Variants in ZNF766 observed in about 807,000 individuals in gnomAD.
ZNF766 encodes zinc finger protein 766.
ZNF766 carries 13 observed loss-of-function variants against 13.2 expected under a neutral mutation model. The observed-to-expected ratio is 0.98, with a 90% CI of 0.64 to 1.56. ZNF766 has a LOEUF of 1.56. Ranked by LOEUF, ZNF766 falls within the 40% of genes most tolerant of loss-of-function variation. The pLI is 0.00. For synonymous variants in ZNF766, 178 were observed against 187.6 expected (o/e 0.95, Z 0.42); for missense variants, 521 against 552.2 (o/e 0.94, Z 0.57).
In ZNF766 at chr19:52,290,773, A is replaced by G; in HGVS notation, c.982A>G (p.Lys328Glu). Residue 328 changes from lysine (K) to glutamate (E), a missense_variant, in exon 4 of 4, where the codon AAA becomes GAA. Lys to Glu is a moderately conservative substitution (Grantham distance 56). Coordinates refer to ENST00000439461, the MANE Select transcript of ZNF766 (RefSeq NM_001010851.3). ...AATTCATACAGGAGAGAAACTTTAC[A>G]AATGTAATAAATGTGGCAAAGAATT... ...WRIHTGEKLY[K>E]CNKCGKEFSG... The G allele has an allele frequency of 1.9e-6, 3 of 1,613,938 alleles. No homozygotes were observed. Among genetic ancestry groups the G allele is most frequent in the Non-Finnish European group, 2.5e-6 (3 of 1,179,870 alleles).
intron 1 of ZNF766, among the ~76,000 whole-genome samples, chr19:52,280,380 A>T (rs988937461): frequency 6.6e-6 from 1 of 152,064 alleles, no homozygotes; most frequent in Admixed American, 6.6e-5. Context: ...TTTAAAAAAG[A>T]TGACAAATAT....
chr19:52,278,133 C>T lies in ZNF766; in HGVS notation c.19-3978C>T, dbSNP rs117479420. Among the ~76,000 whole-genome samples the T allele has an allele frequency of 1.6e-3, 246 of 152,052 alleles. 4 individuals carry two copies. The East Asian group carries it at 0.041, about 25-fold the overall frequency. On this transcript the variant is annotated intron_variant, in intron 1 of 3. Coordinates refer to ENST00000439461, the MANE Select transcript of ZNF766 (RefSeq NM_001010851.3). ...GACCACAAATGTGTACCACCACGCCCGGCAATTTTTTGAATTTTTGGTAGA... is the reference window on the plus strand; with the variant it reads ...GACCACAAATGTGTACCACCACGCCTGGCAATTTTTTGAATTTTTGGTAGA...
rs1256469659 is a variant in ZNF766 at position 52,292,105 on chromosome 19, C to G, written c.*907C>G. 1.4e-6 allele frequency: 1 copy of G among 700,596 alleles called. No individual in the cohort carries two copies. The highest frequency in any genetic ancestry group is 1.8e-5 in the African/African-American group (1 of 57,052). 43.4% of individuals were successfully genotyped at this position (700,596 alleles called of 1,614,324 possible). A position where few individuals can be genotyped will look rare whatever the true frequency, so the allele number is the denominator to read the frequency against. ...AGAAAAAAAAGGCTAGTTTTTATGA[C>G]TTCAACCTGAACTTTGAAATTTCTT... is the stretch of plus-strand genomic sequence containing the variant. On this transcript the variant is annotated 3_prime_UTR_variant, in exon 4 of 4. Coordinates refer to ENST00000439461, the MANE Select transcript of ZNF766 (RefSeq NM_001010851.3).
At chr19:52,289,795 T>C (rs1010494621) in intron 3 of ZNF766, among the ~76,000 whole-genome samples, 14 of 152,022 alleles carry the variant, frequency 9.2e-5, no homozygotes, top group African/African-American at 2.9e-4. Context: ...GGTCAGGAGA[T>C]CGAGACCATC....
chr19:52,275,037 A>G (rs1981132190), intron 1 of ZNF766, among the ~76,000 whole-genome samples: 1 of 152,152 alleles, frequency 6.6e-6, no homozygotes, highest in African/African-American at 2.4e-5. Flanking sequence ...AGGAAGACAA[A>G]AGAAACAAAG....
chr19:52,271,023 T>G (rs1260828055), intron 1 of ZNF766, among the ~76,000 whole-genome samples: 2 of 152,130 alleles, frequency 1.3e-5, no homozygotes, highest in Non-Finnish European at 2.9e-5. Flanking sequence ...AGACCTCAGG[T>G]GATCTGCCCA....
chr19:52,269,663 G>A (rs756074661), intron 1 of ZNF766, 32 bp downstream of exon 1: 21 of 1,611,676 alleles, frequency 1.3e-5, no homozygotes, highest in Non-Finnish European at 1.8e-5. Context: ...TTAAGTGTTC[G>A]CTTAGCGGTG....
At chr19:52,280,327 C>G (rs780560467) in intron 1 of ZNF766, among the ~76,000 whole-genome samples, 9 of 151,878 alleles carry the variant, frequency 5.9e-5, no homozygotes, top group Non-Finnish European at 1.2e-4. Context: ...TCACTGTACC[C>G]CAACCTGGAC....
chr19:52,280,175 G>C (rs1981426649), intron 1 of ZNF766, among the ~76,000 whole-genome samples: 1 of 152,042 alleles, frequency 6.6e-6, no homozygotes, highest in Non-Finnish European at 1.5e-5. Flanking sequence ...TTTTATTGTT[G>C]CAAAGATGCT....
Position 52,290,489 on chromosome 19 carries a change from A to G in ZNF766, c.698A>G (p.His233Arg), listed in dbSNP as rs371693145. ...AGGGACAAGTCAGGCCTCGCAGAAC[A>G]TTGGAGAATTCGTACAGGAGAGAAA... ...TVRDKSGLAE[H>R]WRIRTGEKPY... Residue 233 changes from histidine (H) to arginine (R), a missense_variant, in exon 4 of 4, where the codon CAT becomes CGT. Transcript: ENST00000439461. 28 of 1,613,940 alleles carry G rather than the reference A, an allele frequency of 1.7e-5. No individual in the cohort carries two copies. The highest frequency in any genetic ancestry group is 6.6e-5 in the South Asian group (6 of 91,092).
rs1005280482 is a variant in ZNF766, at chr19:52,291,272, A to C, written c.*74A>C. On this transcript the variant is annotated 3_prime_UTR_variant, in exon 4 of 4. Coordinates refer to ENST00000439461, the MANE Select transcript of ZNF766 (RefSeq NM_001010851.3). ...TCTATACTAGAAAGAAATCATTTAA[A>C]TGTACTATATGTGGCACAGGCTGTA... 15 of 1,392,958 alleles carry C rather than the reference A, an allele frequency of 1.1e-5. No homozygotes were observed. Among genetic ancestry groups the C allele is most frequent in the Non-Finnish European group, 1.5e-5 (15 of 1,027,848 alleles). 86.3% of individuals were successfully genotyped at this position (1,392,958 alleles called of 1,614,324 possible).
rs1203935833 is a variant in ZNF766, at chr19:52,295,180, CTTGT to C, written c.*3989_*3992del. 2.7e-5 allele frequency: 4 copies of C among 146,234 alleles called. No homozygotes were observed. Among genetic ancestry groups the C allele is most frequent in the Non-Finnish European group, 6.0e-5 (4 of 66,844 alleles). The allele number at this position is 146,234 out of a possible 1,614,324, so 9.1% of individuals were successfully genotyped here. ...CTGTACATTGCATCCAGATGCTATG[CTTGT>C]TTGTTTTTTTTTTTGAGACAGAGTC... is the stretch of plus-strand genomic sequence containing the variant. On this transcript the variant is annotated 3_prime_UTR_variant, in exon 4 of 4. Coordinates refer to ENST00000439461, the MANE Select transcript of ZNF766 (RefSeq NM_001010851.3).
chr19:52,276,961 G>A (rs192178820), intron 1 of ZNF766, among the ~76,000 whole-genome samples: 66 of 152,130 alleles, frequency 4.3e-4, no homozygotes, highest in African/African-American at 1.5e-3. Context: ...GGAGGGGAGC[G>A]GGTTCTGAAG....
chr19:52,278,776 C>A lies in ZNF766; in HGVS notation c.19-3335C>A, dbSNP rs184031010. 3.8e-4 allele frequency among the ~76,000 whole-genome samples: 58 copies of A among 152,266 alleles called. No homozygotes were observed. The East Asian group carries it at 0.01, about 27-fold the overall frequency. On this transcript the variant is annotated intron_variant, in intron 1 of 3. Transcript: ENST00000439461. ...TTCCTTGTAGATGCTGGATATTAGA[C>A]CTTTGTTAGATGCATAGTTCGCAAA...
rs1555795200 is a variant in ZNF766, at chr19:52,277,458, C to CAAAAAAAAACAA, written c.19-4647_19-4636dup. On this transcript the variant is annotated intron_variant, in intron 1 of 3. Coordinates refer to ENST00000439461, the MANE Select transcript of ZNF766 (RefSeq NM_001010851.3). ...TGGGTGACAGAGTGAGACTCCGTCT[C>CAAAAAAAAACAA]AAAAAAAAACAAAAAAAGTCATGTT... 2.9e-5 allele frequency: 43 copies of CAAAAAAAAACAA among 1,481,988 alleles called. No homozygotes were observed. In the African/African-American group the frequency reaches 3.0e-4, roughly 10 times the overall value. 91.8% of individuals were successfully genotyped at this position (1,481,988 alleles called of 1,614,324 possible). A position where few individuals can be genotyped will look rare whatever the true frequency, so the allele number is the denominator to read the frequency against.
At chr19:52,280,643 C>T (rs1600197976) in intron 1 of ZNF766, among the ~76,000 whole-genome samples, 4 of 152,014 alleles carry the variant, frequency 2.6e-5, no homozygotes, top group Admixed American at 6.5e-5. Flanking sequence ...AGTGCAGTGG[C>T]GTGATCTCAG....
intron 3 of ZNF766, among the ~76,000 whole-genome samples, chr19:52,285,564 AGGTAT>A (rs970204374): frequency 6.6e-6 from 1 of 152,236 alleles, no homozygotes; most frequent in Non-Finnish European, 1.5e-5. Flanking sequence ...CATGTGGGAC[AGGTAT>A]GGGGGAAGGA....
At chr19:52,288,246 C>T (rs1403237643) in intron 3 of ZNF766, 3 of 215,760 alleles carry the variant, frequency 1.4e-5, no homozygotes, top group African/African-American at 7.2e-5. Flanking sequence ...GTCGCGAACT[C>T]CTGAGCTCAG....
intron 1 of ZNF766, among the ~76,000 whole-genome samples, chr19:52,278,014 C>T (rs1487013977): frequency 6.8e-6 from 1 of 146,470 alleles, no homozygotes; most frequent in African/African-American, 2.5e-5. Flanking sequence ...GCTCTGTCGT[C>T]CAGGCTGGCA....
Sources: allele counts gnomAD v4.1 joint callset (sites outside exome capture counted in the v4.1 genomes callset), GRCh38; gene constraint gnomAD v4.1.1; transcripts MANE v1.5; gene names NCBI Gene and HGNC (gene_info 2026-07-23, HGNC 2026-07-21).